SEC14L5: variants seen among roughly 807,000 people sequenced by gnomAD.
SEC14L5 encodes the protein SEC14 like lipid binding 5.
Under a neutral mutation model 84.6 loss-of-function variants are expected in SEC14L5, and 96 were observed. The observed-to-expected ratio is 1.13, with a 90% CI of 0.96 to 1.34. SEC14L5 has a LOEUF of 1.34. Among genes scored for constraint, SEC14L5 ranks in the 40% most tolerant of loss-of-function variants. The pLI, the probability that SEC14L5 is intolerant of heterozygous loss-of-function variation, is 0.00. For synonymous variants in SEC14L5, 546 were observed against 383.4 expected (o/e 1.42, Z -4.95); for missense variants, 1,224 against 942.5 (o/e 1.30, Z -3.91).
At chr16:4,987,870 A>G (rs997923046) in intron 3 of SEC14L5, among the ~76,000 whole-genome samples, 164 bp downstream of exon 3, 4 of 151,470 alleles carry the variant, frequency 2.6e-5, no homozygotes, top group Non-Finnish European at 2.9e-5. Flanking sequence ...TGGCGGGACC[A>G]GGGCCCAGGA....
chr16:5,006,032 T>C lies in SEC14L5; in HGVS notation c.1421T>C (p.Leu474Pro). 1.2e-6 allele frequency: 2 copies of C among 1,613,756 alleles called. No individual in the cohort carries two copies. Among genetic ancestry groups the C allele is most frequent in the Non-Finnish European group, 1.7e-6 (2 of 1,179,786 alleles). The change falls in exon 12 of 16, where the codon CTT becomes CCT. Residue 474 changes from leucine (L) to proline (P), a missense_variant. Leu to Pro is a moderately conservative substitution (Grantham distance 98). Coordinates refer to ENST00000251170, the MANE Select transcript of SEC14L5 (RefSeq NM_014692.2). The stretch of plus-strand genomic sequence containing the variant: ...GATAGAGAAGTGATCCCTGACTTCC[T>C]TGGGGGAGAGAGTGTGGTGAGGCTT... ...YLDREVIPDF[L>P]GGESVCNVPE...
chr16:5,007,534 G>T, intron 13 of SEC14L5, 48 bp downstream of exon 13: 1 of 1,581,102 alleles, frequency 6.3e-7, no homozygotes, highest in Non-Finnish European at 8.6e-7. Flanking sequence ...AGTGTCTGTC[G>T]TCTTAGGTCA....
In SEC14L5 at chr16:4,996,569, T is replaced by C. The variant is rs1422757816; in HGVS notation, c.780+109T>C. On this transcript the variant is annotated intron_variant, in intron 7 of 15. Coordinates refer to ENST00000251170, the MANE Select transcript of SEC14L5 (RefSeq NM_014692.2). The stretch of plus-strand genomic sequence containing the variant: ...ATGATAATGCTGACACATTATCTCT[T>C]GCTTATTTATTTATTTATTCATTTA... The C allele has an allele frequency of 6.3e-6, 4 of 630,712 alleles. No homozygotes were observed. In the East Asian group the frequency reaches 1.1e-4, roughly 17 times the overall value. The allele number at this position is 630,712 out of a possible 1,614,324, so 39.1% of individuals were successfully genotyped here.
intron 8 of SEC14L5, 88 bp from the exon 9 acceptor site, chr16:5,000,567 G>C (rs941001525): frequency 1.0e-6 from 1 of 1,004,750 alleles, no homozygotes; most frequent in Non-Finnish European, 1.5e-6. Flanking sequence ...CTGAGGAGGT[G>C]AAGCTCTCAC....
Position 5,003,450 on chromosome 16 carries a change from G to T in SEC14L5, c.1179G>T (p.Leu393=). Residue 393 remains leucine (L), a synonymous_variant, in exon 11 of 16, where the codon CTG becomes CTT. Coordinates refer to ENST00000251170, the MANE Select transcript of SEC14L5 (RefSeq NM_014692.2). ...LDLEGLNMRH[L]WRPGVKALLR... Reference sequence around the variant, plus strand: ...TGGAGGGACTCAACATGCGGCACCTGTGGCGGCCGGGGGTGAAGGCCCTGC... The same window carrying T: ...TGGAGGGACTCAACATGCGGCACCTTTGGCGGCCGGGGGTGAAGGCCCTGC... 1 of 1,613,424 alleles carries T rather than the reference G, an allele frequency of 6.2e-7. No homozygotes were observed.
chr16:4,972,502 A>G lies in SEC14L5; in HGVS notation c.63+13116A>G, dbSNP rs1596616908. ...ACTAACTCTCCACTCCCTGCTCCCC[A>G]CTGCTGCTATTAACCACTATTCTAT... is the stretch of plus-strand genomic sequence containing the variant. On this transcript the variant is annotated intron_variant, in intron 2 of 15. Transcript: ENST00000251170. Among the ~76,000 whole-genome samples, 3 of 152,148 alleles carry G rather than the reference A, an allele frequency of 2.0e-5. No homozygotes were observed. In the South Asian group the frequency reaches 6.2e-4, roughly 32 times the overall value.
At position 4,990,265 on chromosome 16, in the gene SEC14L5, C is replaced by T. The variant is rs147331246; in HGVS notation, c.346-502C>T. Among the ~76,000 whole-genome samples the T allele has an allele frequency of 9.6e-3, 1,454 of 151,986 alleles. 14 individuals carry two copies. Among genetic ancestry groups the T allele is most frequent in the African/African-American group, 0.033 (1,370 of 41,450 alleles). On this transcript the variant is annotated intron_variant, in intron 4 of 15. Transcript: ENST00000251170. ...GCAACCTCCGCCTCCCAGGTTCAAG[C>T]GATTCTCCTGCCTCAGCCTCCCGAG...
At chr16:5,000,588 G>A in intron 8 of SEC14L5, 67 bp from the exon 9 acceptor site, 4 of 1,249,744 alleles carry the variant, frequency 3.2e-6, no homozygotes, top group Non-Finnish European at 3.4e-6. Context: ...CTGCAGCTGT[G>A]ACCTGCCCCT....
At chr16:4,971,091 C>CA (rs34842525) in intron 2 of SEC14L5, among the ~76,000 whole-genome samples, 7,294 of 73,654 alleles carry the variant, frequency 0.099, 284 homozygotes, top group Admixed American at 0.16. Context: ...GTGACAGAGC[C>CA]AAAAAAAAAA....
At chr16:4,961,128 C>T in intron 2 of SEC14L5, among the ~76,000 whole-genome samples, 1 of 152,082 alleles carries the variant, frequency 6.6e-6, no homozygotes, top group Admixed American at 6.5e-5. Flanking sequence ...GAAAAATTAG[C>T]CGGGCGTGGT....
At chr16:4,989,854 T>G (rs1253480187) in intron 4 of SEC14L5, among the ~76,000 whole-genome samples, 1 of 152,064 alleles carries the variant, frequency 6.6e-6, no homozygotes, top group African/African-American at 2.4e-5. Flanking sequence ...GGCCCCAACC[T>G]GGAAGTGTCT....
At chr16:4,971,517 G>C (rs568852375) in intron 2 of SEC14L5, among the ~76,000 whole-genome samples, 1 of 152,276 alleles carries the variant, frequency 6.6e-6, no homozygotes, top group South Asian at 2.1e-4. Flanking sequence ...TCCCTCTCCA[G>C]CTTTGTTGTT....
At chr16:4,977,986 G>C (rs963920040) in intron 2 of SEC14L5, among the ~76,000 whole-genome samples, 1 of 149,236 alleles carries the variant, frequency 6.7e-6, no homozygotes, top group African/African-American at 2.5e-5. Flanking sequence ...ATTTTTAGTA[G>C]AGACAGGGTT....
At chr16:4,961,025 G>A (rs534945658) in intron 2 of SEC14L5, among the ~76,000 whole-genome samples, 10 of 152,136 alleles carry the variant, frequency 6.6e-5, no homozygotes, top group East Asian at 3.9e-4. Flanking sequence ...TAATCCCAGC[G>A]CTTTGGGAGG....
In SEC14L5 at chr16:5,003,489, G is replaced by A. The variant is rs2142522765; in HGVS notation, c.1218G>A (p.Glu406=). ...PGVKALLRMI[E]VVEDNYPETL... is the part of the protein sequence containing the mutation. ...TGAAGGCCCTGCTGCGGATGATTGA[G>A]GTGGTTGAGGACAATTACCCAGAGA... Residue 406 remains glutamate (E), a synonymous_variant, in exon 11 of 16, where the codon GAG becomes GAA. Coordinates refer to ENST00000251170, the MANE Select transcript of SEC14L5 (RefSeq NM_014692.2). The A allele has an allele frequency of 6.2e-7, 1 of 1,613,016 alleles. No homozygotes were observed. Among genetic ancestry groups the A allele is most frequent in the Middle Eastern group, 1.7e-4 (1 of 6,058 alleles).
chr16:5,011,622 C>T (rs1955805567), intron 15 of SEC14L5, among the ~76,000 whole-genome samples: 1 of 152,208 alleles, frequency 6.6e-6, no homozygotes. Flanking sequence ...TTAGAATATT[C>T]TAAAAGGGTG....
At chr16:4,962,780 C>G (rs1395302427) in intron 2 of SEC14L5, among the ~76,000 whole-genome samples, 2 of 151,378 alleles carry the variant, frequency 1.3e-5, no homozygotes, top group East Asian at 1.9e-4. Flanking sequence ...CCCTGTCATT[C>G]TATCTTCCAT....
intron 10 of SEC14L5, among the ~76,000 whole-genome samples, chr16:5,001,440 T>C (rs1279050981): frequency 6.6e-6 from 1 of 152,054 alleles, no homozygotes; most frequent in East Asian, 1.9e-4. Context: ...TTTGTATTTT[T>C]AGTAGAGACA....
Position 4,997,620 on chromosome 16 carries a change from G to A in SEC14L5, c.970+576G>A, listed in dbSNP as rs148184327. On this transcript the variant is annotated intron_variant, in intron 8 of 15. Transcript: ENST00000251170. ...TAAAGGTAACAGGTGCATACATTTTGTATGCATTTCCAAGGGCAGTTGTAG... is the reference window on the plus strand; with the variant it reads ...TAAAGGTAACAGGTGCATACATTTTATATGCATTTCCAAGGGCAGTTGTAG... 5.5e-3 allele frequency among the ~76,000 whole-genome samples: 831 copies of A among 152,234 alleles called. 11 individuals carry two copies. Among genetic ancestry groups the A allele is most frequent in the African/African-American group, 0.019 (784 of 41,538 alleles).
Sources: allele counts gnomAD v4.1 joint callset (sites outside exome capture counted in the v4.1 genomes callset), GRCh38; gene constraint gnomAD v4.1.1; transcripts MANE v1.5; gene names NCBI Gene and HGNC (gene_info 2026-07-23, HGNC 2026-07-21).